Variants in TNIK observed in about 807,000 individuals in gnomAD.
TNIK encodes TRAF2 and NCK interacting kinase.
Under a neutral mutation model 191.3 loss-of-function variants are expected in TNIK, and 49 were observed. That is an observed-to-expected ratio of 0.26 (90% CI 0.20 to 0.32). The LOEUF (loss-of-function observed/expected upper bound fraction) is 0.32. Among genes scored for constraint, TNIK ranks in the 10% least tolerant of loss-of-function variants. TNIK has a pLI of 1.00. For synonymous variants in TNIK, 594 were observed against 600.9 expected (o/e 0.99, Z 0.17); for missense variants, 1,155 against 1,702.3 (o/e 0.68, Z 5.66).
At chr3:171,439,899 T>C (rs1293050367) in intron 1 of TNIK, among the ~76,000 whole-genome samples, 1 of 152,186 alleles carries the variant, frequency 6.6e-6, no homozygotes, top group Non-Finnish European at 1.5e-5. Flanking sequence ...CAGCATGTGC[T>C]CAGTTTCCAC....
At chr3:171,161,532 ACT>A (rs1733986512) in intron 10 of TNIK, among the ~76,000 whole-genome samples, 196 bp from the exon 11 acceptor site, 2 of 152,290 alleles carry the variant, frequency 1.3e-5, no homozygotes, top group Admixed American at 6.5e-5. Flanking sequence ...GTCTCGGCTG[ACT>A]CTAGATATCT....
chr3:171,259,310 C>A (rs1344568467), intron 2 of TNIK, among the ~76,000 whole-genome samples: 3 of 152,136 alleles, frequency 2.0e-5, no homozygotes, highest in African/African-American at 7.2e-5. Flanking sequence ...CAAGAGTCGC[C>A]ATTAGGAACG....
chr3:171,294,821 T>A (rs1752083234), intron 2 of TNIK, among the ~76,000 whole-genome samples: 1 of 152,078 alleles, frequency 6.6e-6, no homozygotes, highest in African/African-American at 2.4e-5. Context: ...AACAGATGTA[T>A]CCCCATCCCA....
chr3:171,172,074 C>T (rs372444693), intron 9 of TNIK, among the ~76,000 whole-genome samples: 4 of 152,192 alleles, frequency 2.6e-5, no homozygotes, highest in East Asian at 1.9e-4. Context: ...TTTCCCTCCA[C>T]GATGACAGTG....
chr3:171,359,199 A>G (rs1714616469), intron 2 of TNIK, among the ~76,000 whole-genome samples: 1 of 152,176 alleles, frequency 6.6e-6, no homozygotes, highest in African/African-American at 2.4e-5. Flanking sequence ...GGAGCCTCAT[A>G]CCACCTCCCT....
intron 15 of TNIK, among the ~76,000 whole-genome samples, chr3:171,135,369 G>A (rs11922115): frequency 5.3e-4 from 80 of 152,326 alleles, no homozygotes; most frequent in Non-Finnish European, 9.0e-4. Flanking sequence ...TAAGAAGTGG[G>A]TGTTAAAAAT....
At chr3:171,130,142 G>T (rs1210504444) in intron 15 of TNIK, among the ~76,000 whole-genome samples, 2 of 152,106 alleles carry the variant, frequency 1.3e-5, no homozygotes, top group African/African-American at 4.8e-5. Flanking sequence ...TCATTTTACT[G>T]CCTGATTTGA....
At chr3:171,261,524 T>TTGGA (rs758439082) in intron 2 of TNIK, among the ~76,000 whole-genome samples, 3 of 151,848 alleles carry the variant, frequency 2.0e-5, no homozygotes, top group Non-Finnish European at 2.9e-5. Context: ...TGTTTGTTGG[T>TTGGA]TGGATGGATG....
Position 171,460,397 on chromosome 3 carries a change from G to A in TNIK, c.-334C>T. 1 of 415,436 alleles carries A rather than the reference G, an allele frequency of 2.4e-6. No homozygotes were observed. Among genetic ancestry groups the A allele is most frequent in the South Asian group, 2.3e-5 (1 of 42,836 alleles). The allele number at this position is 415,436 out of a possible 1,614,324, so 25.7% of individuals were successfully genotyped here. On this transcript the variant is annotated 5_prime_UTR_variant, in exon 1 of 33. Transcript: ENST00000436636. This position sits in a 1 kb window ranked among gnomAD's most constrained non-coding sequence, Gnocchi z 6.8. Reference sequence around the variant, plus strand: ...CTTGTGCGTGGATGGCGGCTGCATTGGCTGTTATAATGAGACACATCAACT... The same window carrying A: ...CTTGTGCGTGGATGGCGGCTGCATTAGCTGTTATAATGAGACACATCAACT...
At chr3:171,173,236 A>AAAT (rs1257751768) in intron 9 of TNIK, among the ~76,000 whole-genome samples, 3 of 150,796 alleles carry the variant, frequency 2.0e-5, no homozygotes, top group Non-Finnish European at 4.4e-5. Context: ...AAAAAAAAAA[A>AAAT]ATACAAAAAA....
intron 24 of TNIK, 115 bp downstream of exon 24, chr3:171,087,227 A>G (rs1456823079): frequency 2.7e-6 from 4 of 1,464,192 alleles, no homozygotes; most frequent in African/African-American, 2.8e-5. Context: ...TATGGTAGAA[A>G]CCAACCAAAC....
At chr3:171,416,374 C>T (rs532630485) in intron 1 of TNIK, among the ~76,000 whole-genome samples, 3 of 152,030 alleles carry the variant, frequency 2.0e-5, no homozygotes, top group Admixed American at 6.6e-5. Flanking sequence ...GGGCATTCTA[C>T]GAGACAACTG....
intron 2 of TNIK, among the ~76,000 whole-genome samples, chr3:171,328,897 G>A (rs764559150): frequency 1.2e-4 from 19 of 152,134 alleles, no homozygotes; most frequent in Non-Finnish European, 2.1e-4. Context: ...AATGGAGGGC[G>A]CTGTGGAGAT....
At position 171,351,271 on chromosome 3, in the gene TNIK, A is replaced by ATG. The variant is rs1335605618; in HGVS notation, c.123+18347_123+18348dup. ...AGAAAATATATATATATATGTATAT[A>ATG]TGTGTGTGTGTGTGTGTATGAATGC... On this transcript the variant is annotated intron_variant, in intron 2 of 32. Coordinates refer to ENST00000436636, the MANE Select transcript of TNIK (RefSeq NM_015028.4). 4.5e-3 allele frequency among the ~76,000 whole-genome samples: 678 copies of ATG among 150,358 alleles called. 5 individuals are homozygous for ATG. The highest frequency in any genetic ancestry group is 0.015 in the African/African-American group (616 of 40,732).
chr3:171,072,375 T>A (rs917045173), intron 28 of TNIK, among the ~76,000 whole-genome samples: 1 of 152,130 alleles, frequency 6.6e-6, no homozygotes, highest in African/African-American at 2.4e-5. Context: ...TTTTTGCTGA[T>A]CTCTTCATCT....
In TNIK at chr3:171,335,158, A is replaced by G. The variant is rs538028834; in HGVS notation, c.123+34462T>C. 9.8e-4 allele frequency among the ~76,000 whole-genome samples: 149 copies of G among 152,288 alleles called. 2 individuals are homozygous for G. Among genetic ancestry groups the G allele is most frequent in the African/African-American group, 3.5e-3 (146 of 41,562 alleles). On this transcript the variant is annotated intron_variant, in intron 2 of 32. Transcript: ENST00000436636. ...TCAGGGCAAGGATCTCATTTTATTC[A>G]TATTTCTATCCCCAGGGATAAGCAC...
intron 4 of TNIK, among the ~76,000 whole-genome samples, chr3:171,201,872 C>T (rs1308885801): frequency 6.6e-6 from 1 of 152,138 alleles, no homozygotes; most frequent in East Asian, 1.9e-4. Flanking sequence ...AATGCTTGAA[C>T]TATAAATTTT....
intron 2 of TNIK, among the ~76,000 whole-genome samples, chr3:171,360,581 A>G (rs2108467458): frequency 6.6e-6 from 1 of 152,304 alleles, no homozygotes; most frequent in East Asian, 1.9e-4. Flanking sequence ...AATGAGTCTC[A>G]AGGCCAAGAC....
chr3:171,408,076 A>C (rs776459139), intron 1 of TNIK, among the ~76,000 whole-genome samples: 1 of 152,224 alleles, frequency 6.6e-6, no homozygotes, highest in African/African-American at 2.4e-5. Context: ...GACTCATAAC[A>C]AGATATAATT....
Sources: allele counts gnomAD v4.1 joint callset (sites outside exome capture counted in the v4.1 genomes callset), GRCh38; gene constraint gnomAD v4.1.1; non-coding constraint Gnocchi (gnomAD v3.1); transcripts MANE v1.5; gene names NCBI Gene and HGNC (gene_info 2026-07-23, HGNC 2026-07-21).